ZNF888: variants seen among roughly 807,000 people sequenced by gnomAD.
The protein encoded by ZNF888 is zinc finger protein 888, also known as CTD-2331H12.6.
A neutral mutation model predicts 7.2 loss-of-function variants in ZNF888; 5 were observed. The observed-to-expected ratio is 0.70, with a 90% CI of 0.36 to 1.46. ZNF888 has a LOEUF of 1.46. ZNF888 is among the 40% of genes most tolerant of loss of function. The probability of loss-of-function intolerance (pLI) is 0.03; values close to 1 mark genes in which losing one functional copy is unlikely to be tolerated. For synonymous variants in ZNF888, 240 were observed against 284.3 expected, an observed-to-expected ratio of 0.84 and a Z score of 1.57; for missense variants, 716 against 858.0, an observed-to-expected ratio of 0.83 and a Z score of 2.07.
In ZNF888 at chr19:52,913,662, G is replaced by A. The variant is rs946101723; in HGVS notation, c.142+1534C>T. 20 of 933,238 alleles carry A rather than the reference G, an allele frequency of 2.1e-5. No homozygotes were observed. The Admixed American group carries it at 1.2e-3, about 55-fold the overall frequency. The allele number at this position is 933,238 out of a possible 1,614,324, so 57.8% of individuals were successfully genotyped here. ...TTTAAGTTTCATTATTATACTATAA[G>A]TTTAAGATGTTTAACATACCTGCAA... On this transcript the variant is annotated intron_variant, in intron 4 of 4. Coordinates refer to ENST00000638862, the MANE Select transcript of ZNF888 (RefSeq NM_001393938.1).
chr19:52,912,246 T>C (rs2064691463), intron 4 of ZNF888, among the ~76,000 whole-genome samples: 1 of 150,640 alleles, frequency 6.6e-6, no homozygotes, highest in African/African-American at 2.5e-5. Flanking sequence ...CCCGAGTAGC[T>C]GGGACTACAG....
chr19:52,906,064 T>G lies in ZNF888; in HGVS notation c.*101A>C. The G allele has an allele frequency of 6.4e-7, 1 of 1,556,668 alleles. No homozygotes were observed. Among genetic ancestry groups the G allele is most frequent in the South Asian group, 1.1e-5 (1 of 89,504 alleles). On this transcript the variant is annotated 3_prime_UTR_variant, in exon 5 of 5. Transcript: ENST00000638862. ...AGCGTATGAACGATGTCTGAAAAAT[T>G]TGCCACATTTACTACACTTGTAAGA... is the stretch of plus-strand genomic sequence containing the variant.
At chr19:52,912,234 C>T (rs1219947237) in intron 4 of ZNF888, among the ~76,000 whole-genome samples, 1 of 150,822 alleles carries the variant, frequency 6.6e-6, no homozygotes, top group Admixed American at 6.6e-5. Flanking sequence ...CTGCCTCAGC[C>T]TCCCGAGTAG....
chr19:52,915,292 C>A lies in ZNF888; in HGVS notation c.46G>T (p.Glu16Ter). 1 of 1,613,756 alleles carries A rather than the reference C, an allele frequency of 6.2e-7. No individual in the cohort carries two copies. The highest frequency in any genetic ancestry group is 2.2e-5 in the East Asian group (1 of 44,860). Residue 16 changes from glutamate (E) to a stop codon, truncating the protein, a stop_gained, in exon 4 of 5, where the codon GAA becomes TAA. Transcript: ENST00000638862. LOFTEE classifies it high-confidence loss of function. ...GLLTFRDVAI[E>*]FSQEEWKCLD... ...CATTTCCACTCCTCCTGAGAGAATT[C>A]TATGGCCACATCCCTGAATGTCAAT... is the stretch of plus-strand genomic sequence containing the variant.
rs2064604536 is a variant in ZNF888 at position 52,906,160 on chromosome 19, T to C, written c.*5A>G. 2.5e-6 allele frequency: 4 copies of C among 1,612,742 alleles called. No homozygotes were observed. The South Asian group carries it at 4.4e-5, about 18-fold the overall frequency. On this transcript the variant is annotated 3_prime_UTR_variant, in exon 5 of 5. Coordinates refer to ENST00000638862, the MANE Select transcript of ZNF888 (RefSeq NM_001393938.1). ...GTTACTGAAGACTTGGTGACAATCA[T>C]TACATTAGTCAAGTTTCCCTACACC... is the stretch of plus-strand genomic sequence containing the variant.
chr19:52,921,424 C>T (rs1452256547), intron 1 of ZNF888, among the ~76,000 whole-genome samples: 1 of 152,100 alleles, frequency 6.6e-6, no homozygotes, highest in Non-Finnish European at 1.5e-5. Context: ...CACCGAGTTA[C>T]CCTGAGAAGG....
intron 1 of ZNF888, among the ~76,000 whole-genome samples, chr19:52,920,853 TG>T (rs2064816535): frequency 1.7e-5 from 1 of 60,386 alleles, no homozygotes; most frequent in African/African-American, 5.2e-5. Flanking sequence ...CCGACCACCT[TG>T]GGCATGTGTT....
chr19:52,913,442 A>T (rs2064709410), intron 4 of ZNF888, among the ~76,000 whole-genome samples: 3 of 149,522 alleles, frequency 2.0e-5, no homozygotes, highest in Non-Finnish European at 3.0e-5. Context: ...CTCCTGGATC[A>T]GCCTCCTGAG....
chr19:52,917,294 C>T (rs2064762898), intron 3 of ZNF888: 1 of 179,814 alleles, frequency 5.6e-6, no homozygotes, highest in African/African-American at 2.4e-5. Context: ...CATTCTTCTG[C>T]CTCAGTCTCC....
Position 52,923,410 on chromosome 19 carries a change from T to G in ZNF888, c.-219A>C. 2.6e-5 allele frequency: 26 copies of G among 985,346 alleles called. No individual in the cohort carries two copies. Among genetic ancestry groups the G allele is most frequent in the Non-Finnish European group, 3.1e-5 (26 of 830,012 alleles). The allele number at this position is 985,346 out of a possible 1,614,324, so 61.0% of individuals were successfully genotyped here. A position where few individuals can be genotyped will look rare whatever the true frequency, so the allele number is the denominator to read the frequency against. On this transcript the variant is annotated 5_prime_UTR_variant, in exon 1 of 5. Coordinates refer to ENST00000638862, the MANE Select transcript of ZNF888 (RefSeq NM_001393938.1). ...CCAGTCCACGCGATCCGCTTCCTGG[T>G]CCGGGCGAATCTACAAGCACAGGAC... is the stretch of plus-strand genomic sequence containing the variant.
At chr19:52,915,750 C>T (rs7251870) in intron 3 of ZNF888, among the ~76,000 whole-genome samples, 8,947 of 150,850 alleles carry the variant, frequency 0.059, 925 homozygotes, top group African/African-American at 0.21. Context: ...TCTGGGATTA[C>T]AGGCATGAGC....
Position 52,920,250 on chromosome 19 carries a change from C to T in ZNF888, c.-177-1313G>A, listed in dbSNP as rs558760077. The stretch of plus-strand genomic sequence containing the variant: ...ATGGAGGTTTTGTGGAATAGAAAGG[C>T]GGGAAAGGTGGGGAAAAAATTGAGA... On this transcript the variant is annotated intron_variant, in intron 1 of 4. Transcript: ENST00000638862. Among the ~76,000 whole-genome samples, 36 of 64,464 alleles carry T rather than the reference C, an allele frequency of 5.6e-4. 15 individuals carry two copies. Among genetic ancestry groups the T allele is most frequent in the African/African-American group, 1.7e-3 (34 of 19,600 alleles). The allele number at this position is 64,464 out of a possible 152,430, so 42.3% of individuals were successfully genotyped here.
At chr19:52,915,779 A>G (rs373399641) in intron 3 of ZNF888, among the ~76,000 whole-genome samples, 1 of 152,186 alleles carries the variant, frequency 6.6e-6, no homozygotes, top group East Asian at 1.9e-4. Context: ...CCGGCCTCAC[A>G]TGACGTCTTT....
At chr19:52,908,241 G>A in intron 4 of ZNF888, 62 bp from the exon 5 acceptor site, 4 of 1,468,316 alleles carry the variant, frequency 2.7e-6, no homozygotes, top group South Asian at 1.1e-5. Flanking sequence ...ATACTGAAAC[G>A]TGTAAATATG....
In ZNF888 at chr19:52,904,516, C is replaced by A. The variant is rs1027808228; in HGVS notation, c.*1649G>T. On this transcript the variant is annotated 3_prime_UTR_variant, in exon 5 of 5. Transcript: ENST00000638862. The stretch of plus-strand genomic sequence containing the variant: ...AATTTCTGTCCTTTTTAAGGGCTCA[C>A]AACACTAAGGATTTCACATGAAACG... The A allele has an allele frequency of 6.6e-6, 1 of 152,194 alleles. No individual in the cohort carries two copies. The highest frequency in any genetic ancestry group is 1.5e-5 in the Non-Finnish European group (1 of 68,042). The allele number at this position is 152,194 out of a possible 1,614,324, so 9.4% of individuals were successfully genotyped here. A position where few individuals can be genotyped will look rare whatever the true frequency, so the allele number is the denominator to read the frequency against.
At chr19:52,923,311 T>C (rs1215007704) in intron 1 of ZNF888, 58 bp downstream of exon 1, 11 of 985,396 alleles carry the variant, frequency 1.1e-5, no homozygotes, top group Non-Finnish European at 1.3e-5. Flanking sequence ...ACATCCCAGG[T>C]ACAGAATTGC....
chr19:52,908,209 A>G, intron 4 of ZNF888, 30 bp from the exon 5 acceptor site: 2 of 1,588,556 alleles, frequency 1.3e-6, no homozygotes, highest in Non-Finnish European at 1.7e-6. Flanking sequence ...ATAGTTTTCC[A>G]ATTCAGTACA....
At chr19:52,912,898 G>A (rs529985064) in intron 4 of ZNF888, among the ~76,000 whole-genome samples, 4 of 152,066 alleles carry the variant, frequency 2.6e-5, no homozygotes, top group Admixed American at 6.6e-5. Context: ...AACTGAGGTC[G>A]GGAGTTTGAG....
At chr19:52,912,170 G>A (rs1179433619) in intron 4 of ZNF888, among the ~76,000 whole-genome samples, 31 of 146,540 alleles carry the variant, frequency 2.1e-4, no homozygotes, top group Admixed American at 5.5e-4. Context: ...CTGGAGTGTC[G>A]TGGCAAGATC....
Sources: gnomAD v4.1 joint callset for allele counts (sites outside exome capture counted in the v4.1 genomes callset) on GRCh38, gnomAD v4.1.1 for gene constraint, MANE v1.5 for transcripts, NCBI Gene and HGNC (gene_info 2026-07-23, HGNC 2026-07-21) for gene names.